GMIP: variants seen among roughly 807,000 people sequenced by gnomAD.
GMIP encodes the protein GEM interacting protein.
GMIP carries 54 observed loss-of-function variants against 105.3 expected under a neutral mutation model. The observed-to-expected ratio is 0.51, with a 90% CI of 0.41 to 0.64. The LOEUF is 0.64. Ranked by LOEUF, GMIP falls within the 30% of genes least tolerant of loss-of-function variation. The pLI, the probability that GMIP is intolerant of heterozygous loss-of-function variation, is 0.00. For missense variants in GMIP, 1,110 were observed against 1,319.4 expected, an observed-to-expected ratio of 0.84 and a Z score of 2.46; for synonymous variants, 541 against 560.8, an observed-to-expected ratio of 0.96 and a Z score of 0.50.
In GMIP at chr19:19,640,504, C is replaced by T; in HGVS notation, c.306G>A (p.Lys102=). 6.2e-7 allele frequency: 1 copy of T among 1,614,118 alleles called. No individual in the cohort carries two copies. Among genetic ancestry groups the T allele is most frequent in the Non-Finnish European group, 8.5e-7 (1 of 1,180,008 alleles). Residue 102 remains lysine, a synonymous_variant, in exon 5 of 21, where the codon AAG becomes AAA. Transcript: ENST00000203556. ...GTTCCTTGGCATAGCGGCTCCAGGTCTTGGCATATTCCAGGGCTGCGTCCA... is the reference window on the plus strand; with the variant it reads ...GTTCCTTGGCATAGCGGCTCCAGGTTTTGGCATATTCCAGGGCTGCGTCCA... ...GGVDAALEYA[K]TWSRYAKELL...
chr19:19,630,998 C>G lies in GMIP; in HGVS notation c.2473-461G>C, dbSNP rs1321840274. Among the ~76,000 whole-genome samples the G allele has an allele frequency of 6.6e-6, 1 of 151,618 alleles. No individual in the cohort carries two copies. Among genetic ancestry groups the G allele is most frequent in the South Asian group, 2.1e-4 (1 of 4,800 alleles). Reference sequence around the variant, plus strand: ...GGTGGATTATCTGAGGTCAGGAGTTCGGGACCAGCCTGGCCAACATGGTGA... The same window carrying G: ...GGTGGATTATCTGAGGTCAGGAGTTGGGGACCAGCCTGGCCAACATGGTGA... On this transcript the variant is annotated intron_variant, in intron 19 of 20. Coordinates refer to ENST00000203556, the MANE Select transcript of GMIP (RefSeq NM_016573.4). The surrounding 1 kb of genome is among the most constrained non-coding windows in gnomAD (Gnocchi z 4.8).
In GMIP at chr19:19,638,354, G is replaced by A. The variant is rs910352227; in HGVS notation, c.619-25C>T. On this transcript the variant is annotated intron_variant, in intron 8 of 20. Coordinates refer to ENST00000203556, the MANE Select transcript of GMIP (RefSeq NM_016573.4). The stretch of plus-strand genomic sequence containing the variant: ...TCTGGGGGATGATGAGAAGGTCAGC[G>A]TCCCGGCCTCTCTCTCACCCTACCC... The A allele has an allele frequency of 2.5e-6, 4 of 1,614,030 alleles. No individual in the cohort carries two copies. In the South Asian group the frequency reaches 3.3e-5, roughly 13 times the overall value.
At chr19:19,638,377 C>T (rs1265762645) in intron 8 of GMIP, 25 bp downstream of exon 8, 3 of 1,614,094 alleles carry the variant, frequency 1.9e-6, no homozygotes, top group Non-Finnish European at 2.5e-6. Context: ...TCTCACCCTA[C>T]CCTTCCACCA....
chr19:19,640,365 G>A lies in GMIP; in HGVS notation c.365-5C>T. The A allele has an allele frequency of 6.2e-7, 1 of 1,614,048 alleles. No individual in the cohort carries two copies. On this transcript the variant is annotated splice_region_variant and splice_polypyrimidine_tract_variant and intron_variant, in intron 5 of 20. Coordinates refer to ENST00000203556, the MANE Select transcript of GMIP (RefSeq NM_016573.4). ...TGCTCTTAGCAAACTCCAGCTCTGG[G>A]GGAAGAGAGAGCCGGGCTCTGGGTC...
chr19:19,634,229 G>A lies in GMIP; in HGVS notation c.2085-39C>T, dbSNP rs1174151243. 4 of 1,534,340 alleles carry A rather than the reference G, an allele frequency of 2.6e-6. No individual in the cohort carries two copies. Among genetic ancestry groups the A allele is most frequent in the Non-Finnish European group, 2.6e-6 (3 of 1,140,608 alleles). ...GAAGAGAAAGGTCAGGGTACAGGAT[G>A]CAAGCTCATTGGTCTGAGGGTAAGG... On this transcript the variant is annotated intron_variant, in intron 18 of 20. Transcript: ENST00000203556. The surrounding 1 kb of genome is among the most constrained non-coding windows in gnomAD (Gnocchi z 6.1).
intron 7 of GMIP, 31 bp downstream of exon 7, chr19:19,640,054 C>T (rs1316212952): frequency 1.6e-6 from 2 of 1,258,526 alleles, no homozygotes; most frequent in African/African-American, 1.5e-5. Flanking sequence ...AGCAGGGTGA[C>T]CTCTGTAACA....
rs377327178 is a variant in GMIP, at chr19:19,639,557, C to T, written c.537+528G>A. Among the ~76,000 whole-genome samples, 17 of 152,102 alleles carry T rather than the reference C, an allele frequency of 1.1e-4. No individual in the cohort carries two copies. In the South Asian group the frequency reaches 2.3e-3, roughly 20 times the overall value. On this transcript the variant is annotated intron_variant, in intron 7 of 20. Coordinates refer to ENST00000203556, the MANE Select transcript of GMIP (RefSeq NM_016573.4). ...TCGTTCCCCTCCCCACAAACAAAAA[C>T]GAAGTTTTTGGCTGGGCGTGGTGGC...
In GMIP at chr19:19,630,364, G is replaced by C. The variant is rs751399002; in HGVS notation, c.2540-28C>G. The C allele has an allele frequency of 4.5e-6, 7 of 1,561,622 alleles. No individual in the cohort carries two copies. The Admixed American group carries it at 1.1e-4, about 25-fold the overall frequency. On this transcript the variant is annotated intron_variant, in intron 20 of 20. Coordinates refer to ENST00000203556, the MANE Select transcript of GMIP (RefSeq NM_016573.4). This position sits in a 1 kb window ranked among gnomAD's most constrained non-coding sequence, Gnocchi z 4.8. The stretch of plus-strand genomic sequence containing the variant: ...GTGTACGGGGTGGGTGGTCAGTGCA[G>C]AGCACCTCCAAGTTCTCTGTATATC...
At chr19:19,636,611 G>C in intron 13 of GMIP, 96 bp downstream of exon 13, 1 of 886,170 alleles carries the variant, frequency 1.1e-6, no homozygotes, top group Non-Finnish European at 1.9e-6. Flanking sequence ...GTAGGTCAGA[G>C]GTCAAAGATA....
chr19:19,643,482 A>T, intron 1 of GMIP, 29 bp downstream of exon 1: 1 of 1,535,442 alleles, frequency 6.5e-7, no homozygotes, highest in Non-Finnish European at 8.8e-7. Flanking sequence ...TGGTCGGGGG[A>T]GGCCCCTCCC....
chr19:19,634,544 A>T lies in GMIP; in HGVS notation c.2047T>A (p.Tyr683Asn). The T allele has an allele frequency of 6.2e-7, 1 of 1,613,160 alleles. No homozygotes were observed. Among genetic ancestry groups the T allele is most frequent in the Non-Finnish European group, 8.5e-7 (1 of 1,179,732 alleles). ...GCCACCAGGTGCCGCAGGGTGTTGT[A>T]GTTAGAGTCAGGCAGCTGTACCAAG... is the stretch of plus-strand genomic sequence containing the variant. Reference protein sequence around the residue: ...TLLVQLPDSNYNTLRHLVAHL... With the variant: ...TLLVQLPDSNNNTLRHLVAHL... Residue 683 changes from tyrosine to asparagine, a missense_variant, in exon 18 of 21, where the codon TAC (tyrosine) becomes AAC (asparagine). Tyr to Asn is a moderately radical substitution (Grantham distance 143). Transcript: ENST00000203556. This position sits in a 1 kb window ranked among gnomAD's most constrained non-coding sequence, Gnocchi z 6.1.
rs2061846370 is a variant in GMIP at position 19,635,646 on chromosome 19, G to A, written c.1403C>T (p.Pro468Leu). 1 of 1,613,958 alleles carries A rather than the reference G, an allele frequency of 6.2e-7. No individual in the cohort carries two copies. Among genetic ancestry groups the A allele is most frequent in the African/African-American group, 1.3e-5 (1 of 74,918 alleles). Residue 468 changes from proline (P) to leucine (L), a missense_variant and splice_region_variant, in exon 14 of 21, where the codon CCT (proline) becomes CTT (leucine). Pro to Leu is a moderately conservative substitution (Grantham distance 98, BLOSUM62 -3). Around this residue, in one of 3 missense-constraint regions of GMIP, gnomAD observed 667 missense variants for 773.2 expected, o/e 0.86. Coordinates refer to ENST00000203556, the MANE Select transcript of GMIP (RefSeq NM_016573.4). The surrounding 1 kb of genome is among the most constrained non-coding windows in gnomAD (Gnocchi z 4.7). ...GACCTACCCTGCTTCAGCCTCACCA[G>A]GGTCTCGCTCCTCAAAGTCATCTGA... ...ESSDDFEERD[P>L]DLGDGLENGL...
intron 2 of GMIP, among the ~76,000 whole-genome samples, 175 bp downstream of exon 2, chr19:19,642,360 G>A (rs1019422280): frequency 2.0e-5 from 3 of 152,100 alleles, no homozygotes; most frequent in Non-Finnish European, 4.4e-5. Context: ...AGTCTATTTA[G>A]GGGGACACTT....
At position 19,643,561 on chromosome 19, in the gene GMIP, G is replaced by A. The variant is rs1442562110; in HGVS notation, c.-32C>T. On this transcript the variant is annotated 5_prime_UTR_variant, in exon 1 of 21. Coordinates refer to ENST00000203556, the MANE Select transcript of GMIP (RefSeq NM_016573.4). ...GCCCGGGGATCGCTCTGCAGGGACCGGGATGGGGATGGGGTCGCGCGCCGG... is the reference window on the plus strand; with the variant it reads ...GCCCGGGGATCGCTCTGCAGGGACCAGGATGGGGATGGGGTCGCGCGCCGG... 6 of 1,528,586 alleles carry A rather than the reference G, an allele frequency of 3.9e-6. No homozygotes were observed. The South Asian group carries it at 4.9e-5, about 12-fold the overall frequency. 94.7% of individuals were successfully genotyped at this position (1,528,586 alleles called of 1,614,324 possible). A position where few individuals can be genotyped will look rare whatever the true frequency, so the allele number is the denominator to read the frequency against.
chr19:19,643,220 G>T (rs1225190660), intron 1 of GMIP: 2 of 395,982 alleles, frequency 5.1e-6, no homozygotes, highest in East Asian at 4.1e-5. Context: ...CTCAGCAGTC[G>T]TGGCACCCTG....
intron 13 of GMIP, 72 bp downstream of exon 13, chr19:19,636,635 G>A (rs1353443169): frequency 3.7e-6 from 4 of 1,076,452 alleles, no homozygotes; most frequent in African/African-American, 1.5e-5. Context: ...AAAGATTGAG[G>A]GTCAGAGCTT....
At position 19,630,611 on chromosome 19, in the gene GMIP, G is replaced by T; in HGVS notation, c.2473-74C>A. On this transcript the variant is annotated intron_variant, in intron 19 of 20. Transcript: ENST00000203556. This position sits in a 1 kb window ranked among gnomAD's most constrained non-coding sequence, Gnocchi z 4.8. ...CTTTGAGATTCCTGGAGAGCCAAGG[G>T]CTTGTTCCTGGACATGCAAAAGGAA... The T allele has an allele frequency of 7.6e-7, 1 of 1,323,258 alleles. No individual in the cohort carries two copies. The allele number at this position is 1,323,258 out of a possible 1,614,324, so 82.0% of individuals were successfully genotyped here.
chr19:19,642,594 C>T lies in GMIP; in HGVS notation c.45G>A (p.Arg15=), dbSNP rs1411560740. ...EPGLPPGPEG[R]KRYSDIFRSL... is the part of the protein sequence containing the mutation. ...TCCGGAAGATGTCACTGTACCTCTT[C>T]CTGCCCTCAGGACCTGGGGGGAGTC... The change falls in exon 2 of 21, where the codon AGG becomes AGA. Residue 15 remains arginine, a synonymous_variant. Coordinates refer to ENST00000203556, the MANE Select transcript of GMIP (RefSeq NM_016573.4). The T allele has an allele frequency of 6.2e-7, 1 of 1,608,324 alleles. No individual in the cohort carries two copies. The highest frequency in any genetic ancestry group is 1.3e-5 in the African/African-American group (1 of 74,770).
chr19:19,637,659 A>T lies in GMIP; in HGVS notation c.928-98T>A, dbSNP rs754912843. On this transcript the variant is annotated intron_variant, in intron 10 of 20. Transcript: ENST00000203556. This position sits in a 1 kb window ranked among gnomAD's most constrained non-coding sequence, Gnocchi z 6.7. ...GGGCTTGAGAGACGCGAACGTGGTC[A>T]GGGTTTGGGACGCACCTGGGCGGCT... 127 of 1,063,464 alleles carry T rather than the reference A, an allele frequency of 1.2e-4. No individual in the cohort carries two copies. Among genetic ancestry groups the T allele is most frequent in the Non-Finnish European group, 1.6e-4 (123 of 767,898 alleles). The allele number at this position is 1,063,464 out of a possible 1,614,324, so 65.9% of individuals were successfully genotyped here.
Sources: gnomAD v4.1 joint callset for allele counts (sites outside exome capture counted in the v4.1 genomes callset) on GRCh38, gnomAD v4.1.1 for gene constraint, gnomAD v4.1.1 regional missense constraint, Gnocchi (gnomAD v3.1) non-coding constraint, MANE v1.5 for transcripts, NCBI Gene and HGNC (gene_info 2026-07-23, HGNC 2026-07-21) for gene names.